The following ARMH3 variants were observed in gnomAD, a reference collection of about 807,000 sequenced individuals.
The protein encoded by ARMH3 is armadillo like helical domain containing 3.
Under a neutral mutation model 99.1 loss-of-function variants are expected in ARMH3, and 60 were observed. That is an observed-to-expected ratio of 0.61 (90% CI 0.49 to 0.75). ARMH3 has a LOEUF of 0.75. ARMH3 is among the 30% of genes least tolerant of loss of function. The pLI is 0.00. For missense variants in ARMH3, 679 were observed against 843.1 expected (o/e 0.81, Z 2.41); for synonymous variants, 285 against 292.8 (o/e 0.97, Z 0.27).
chr10:101,880,174 A>G (rs2067376289), intron 24 of ARMH3, among the ~76,000 whole-genome samples: 1 of 152,230 alleles, frequency 6.6e-6, no homozygotes, highest in Non-Finnish European at 1.5e-5. Context: ...GTAGAAAAAC[A>G]TGATGCCAAG....
chr10:101,930,879 C>T (rs1180391987), intron 23 of ARMH3, among the ~76,000 whole-genome samples: 1 of 152,160 alleles, frequency 6.6e-6, no homozygotes. Flanking sequence ...GTGCCAGGCA[C>T]TATTCTACAT....
intron 8 of ARMH3, among the ~76,000 whole-genome samples, chr10:102,017,532 C>A (rs140562289): frequency 3.9e-5 from 6 of 152,314 alleles, no homozygotes; most frequent in Non-Finnish European, 8.8e-5. Flanking sequence ...CAGTAGAATG[C>A]TCCAAAAATA....
At chr10:101,911,070 G>T (rs985677202) in intron 23 of ARMH3, among the ~76,000 whole-genome samples, 10 of 151,264 alleles carry the variant, frequency 6.6e-5, no homozygotes, top group Non-Finnish European at 1.5e-4. Flanking sequence ...ACCCAGAGGA[G>T]GCGGAGGTTG....
At chr10:102,023,847 A>G (rs1173093497) in intron 6 of ARMH3, 98 bp from the exon 7 acceptor site, 1 of 1,164,574 alleles carries the variant, frequency 8.6e-7, no homozygotes, top group Non-Finnish European at 1.3e-6. Context: ...AAAATATTAA[A>G]ATATTTCTAC....
chr10:101,886,069 G>A (rs1319136547), intron 24 of ARMH3, among the ~76,000 whole-genome samples: 3 of 148,540 alleles, frequency 2.0e-5, no homozygotes, highest in African/African-American at 2.5e-5. Flanking sequence ...AAAAAAAAAA[G>A]GGGGTTAAAA....
chr10:101,857,350 C>T (rs2066758665), intron 24 of ARMH3, among the ~76,000 whole-genome samples: 2 of 152,050 alleles, frequency 1.3e-5, no homozygotes, highest in South Asian at 4.1e-4. Context: ...CCCAGCTACT[C>T]GGGAAGCTGA....
At chr10:102,029,437 C>G in intron 5 of ARMH3, 3 of 1,540,058 alleles carry the variant, frequency 1.9e-6, no homozygotes, top group Non-Finnish European at 2.6e-6. Context: ...GAAAGAATAC[C>G]TCCATTCAAA....
intron 23 of ARMH3, among the ~76,000 whole-genome samples, chr10:101,927,940 G>A (rs534868430): frequency 6.6e-6 from 1 of 152,242 alleles, no homozygotes; most frequent in African/African-American, 2.4e-5. Flanking sequence ...CGGGTGTGGT[G>A]GCACATCCCT....
At chr10:102,004,457 T>A (rs2136075508) in intron 14 of ARMH3, among the ~76,000 whole-genome samples, 2 of 152,298 alleles carry the variant, frequency 1.3e-5, no homozygotes, top group Middle Eastern at 6.8e-3. Context: ...GACAGTCATT[T>A]GAAAGTGGGC....
At chr10:101,954,376 G>A (rs1844935589) in intron 22 of ARMH3, among the ~76,000 whole-genome samples, 1 of 152,176 alleles carries the variant, frequency 6.6e-6, no homozygotes, top group African/African-American at 2.4e-5. Context: ...AGGAACTACT[G>A]ATAGATGCAA....
chr10:101,898,496 A>T (rs1056465923), intron 23 of ARMH3, among the ~76,000 whole-genome samples: 2 of 152,224 alleles, frequency 1.3e-5, no homozygotes, highest in African/African-American at 2.4e-5. Flanking sequence ...CAATAAATAA[A>T]TAGTTTCATT....
chr10:101,893,357 T>TA (rs2067739477), intron 23 of ARMH3, among the ~76,000 whole-genome samples: 1 of 152,236 alleles, frequency 6.6e-6, no homozygotes, highest in African/African-American at 2.4e-5. Context: ...TTTGTTTTTT[T>TA]AAATCAGGCT....
At chr10:101,887,528 C>G (rs1242433418) in intron 24 of ARMH3, among the ~76,000 whole-genome samples, 1 of 151,770 alleles carries the variant, frequency 6.6e-6, no homozygotes, top group Non-Finnish European at 1.5e-5. Flanking sequence ...CTCAGCCTCC[C>G]AAGTTGCTGG....
intron 23 of ARMH3, among the ~76,000 whole-genome samples, chr10:101,923,459 C>T (rs1843381381): frequency 6.6e-6 from 1 of 152,176 alleles, no homozygotes; most frequent in Non-Finnish European, 1.5e-5. Context: ...AATGCACACA[C>T]TAGCAAGGCT....
At chr10:101,863,357 C>T (rs572338497) in intron 24 of ARMH3, among the ~76,000 whole-genome samples, 2 of 152,232 alleles carry the variant, frequency 1.3e-5, no homozygotes, top group East Asian at 3.9e-4. Flanking sequence ...ACGTAACAAA[C>T]CCATACATAC....
chr10:102,039,618 C>T (rs1244037486), intron 2 of ARMH3, among the ~76,000 whole-genome samples: 1 of 152,146 alleles, frequency 6.6e-6, no homozygotes, highest in Non-Finnish European at 1.5e-5. Context: ...ATAATGTATC[C>T]TTTAAAAGTA....
intron 24 of ARMH3, among the ~76,000 whole-genome samples, chr10:101,858,836 T>A (rs1329801015): frequency 6.6e-6 from 1 of 152,116 alleles, no homozygotes; most frequent in African/African-American, 2.4e-5. Context: ...CAGTGTGACA[T>A]TATGGATTTT....
At chr10:101,969,843 C>T (rs952420423) in intron 20 of ARMH3, among the ~76,000 whole-genome samples, 2 of 152,144 alleles carry the variant, frequency 1.3e-5, no homozygotes, top group African/African-American at 4.8e-5. Flanking sequence ...CGTCTGGTTC[C>T]ATGATCCTTA....
intron 4 of ARMH3, among the ~76,000 whole-genome samples, chr10:102,031,981 T>G (rs7907237): frequency 0.27 from 40,614 of 152,040 alleles, 5,742 homozygotes; most frequent in East Asian, 0.52. Flanking sequence ...CTCGTGATCC[T>G]CCCGCCTTGG....
Sources: gnomAD v4.1 joint callset for allele counts (sites outside exome capture counted in the v4.1 genomes callset) on GRCh38, gnomAD v4.1.1 for gene constraint, MANE v1.5 for transcripts, NCBI Gene and HGNC (gene_info 2026-07-23, HGNC 2026-07-21) for gene names.